The following NPSR1 variants were observed in gnomAD, a reference collection of about 807,000 sequenced individuals.
NPSR1 encodes neuropeptide S receptor.
A neutral mutation model predicts 46.9 loss-of-function variants in NPSR1; 48 were observed. The ratio of observed to expected loss-of-function variants is 1.02; its 90% CI spans 0.81 to 1.30. NPSR1 has a LOEUF of 1.30. Among genes scored for constraint, NPSR1 ranks in the 50% most tolerant of loss-of-function variants. NPSR1 has a pLI of 0.00. For missense variants in NPSR1, 450 were observed against 449.5 expected (o/e 1.00, Z -0.01); for synonymous variants, 176 against 168.1 (o/e 1.05, Z -0.36).
chr7:34,743,543 CA>C (rs1450545620), intron 2 of NPSR1, among the ~76,000 whole-genome samples: 1 of 151,872 alleles, frequency 6.6e-6, no homozygotes, highest in Non-Finnish European at 1.5e-5. Flanking sequence ...TGGGTTCAAG[CA>C]ATTCTCTGTC....
rs1207987148 is a variant in NPSR1, at chr7:34,792,703, A to ATTTATATATATATATG, written c.384+14139_384+14140insTTATATATATATATGT. On this transcript the variant is annotated intron_variant, in intron 3 of 8. Coordinates refer to ENST00000360581, the MANE Select transcript of NPSR1 (RefSeq NM_207172.2). ...TATATATATATGTATATATATACGT[A>ATTTATATATATATATG]TATATATATATTTATATATATATAT... Among the ~76,000 whole-genome samples, 148 of 88,214 alleles carry ATTTATATATATATATG rather than the reference A, an allele frequency of 1.7e-3. 6 individuals carry two copies. Among genetic ancestry groups the ATTTATATATATATATG allele is most frequent in the Non-Finnish European group, 2.6e-3 (105 of 40,614 alleles). 57.9% of individuals were successfully genotyped at this position (88,214 alleles called of 152,430 possible).
chr7:34,827,649 G>GT, intron 5 of NPSR1, 47 bp downstream of exon 5: 1 of 718,304 alleles, frequency 1.4e-6, no homozygotes, highest in Admixed American at 2.1e-5. Flanking sequence ...GGGGCGGGGG[G>GT]GGCTTTCCTG....
chr7:34,813,644 G>A (rs984451720), intron 4 of NPSR1, among the ~76,000 whole-genome samples: 1 of 152,166 alleles, frequency 6.6e-6, no homozygotes, highest in Non-Finnish European at 1.5e-5. Flanking sequence ...GAAAGACAGA[G>A]AGGAGCAGAA....
At chr7:34,840,531 C>G (rs922189651) in intron 6 of NPSR1, among the ~76,000 whole-genome samples, 5 of 152,164 alleles carry the variant, frequency 3.3e-5, no homozygotes, top group South Asian at 2.1e-4. Context: ...GAGCAGGTAT[C>G]CCCGGGAAGA....
intron 2 of NPSR1, among the ~76,000 whole-genome samples, chr7:34,747,103 G>T (rs922931054): frequency 1.5e-5 from 2 of 134,646 alleles, no homozygotes; most frequent in African/African-American, 2.8e-5. Context: ...CCAGCCTGGC[G>T]ACAGAGCAAG....
chr7:34,790,995 TTA>T (rs375358414), intron 3 of NPSR1, among the ~76,000 whole-genome samples: 3 of 104,044 alleles, frequency 2.9e-5, no homozygotes, highest in East Asian at 5.4e-4. Context: ...ATTATATATG[TTA>T]TATGTTATAT....
chr7:34,746,551 A>G lies in NPSR1; in HGVS notation c.281-31911A>G, dbSNP rs754735081. ...AAACATATCCCTCACAGATAAGGGG[A>G]GACCTGCTGTAATATTTTTGCTTCT... On this transcript the variant is annotated intron_variant, in intron 2 of 8. Transcript: ENST00000360581. Among the ~76,000 whole-genome samples the G allele has an allele frequency of 9.8e-5, 15 of 152,298 alleles. 1 individual carries two copies. In the Middle Eastern group the frequency reaches 0.014, roughly 138 times the overall value.
At chr7:34,838,039 C>T (rs1364216708) in intron 6 of NPSR1, among the ~76,000 whole-genome samples, 2 of 152,058 alleles carry the variant, frequency 1.3e-5, no homozygotes. Flanking sequence ...CCTGCTTGTC[C>T]CTCTGAGCAC....
chr7:34,799,238 G>A (rs868689420), intron 3 of NPSR1, among the ~76,000 whole-genome samples: 13 of 151,846 alleles, frequency 8.6e-5, no homozygotes, highest in South Asian at 4.2e-4. Context: ...CAGCATAAAC[G>A]TATATTATTT....
At chr7:34,750,416 T>G (rs151066280) in intron 2 of NPSR1, 1 of 745,168 alleles carries the variant, frequency 1.3e-6, no homozygotes, top group Non-Finnish European at 2.5e-6. Context: ...CGGATGCCGA[T>G]GGGTAGTACG....
intron 4 of NPSR1, among the ~76,000 whole-genome samples, chr7:34,818,422 CACAA>C (rs1309284032): frequency 6.6e-6 from 1 of 152,036 alleles, no homozygotes; most frequent in Non-Finnish European, 1.5e-5. Context: ...TAAAAGAGGA[CACAA>C]ACAAATGGAA....
chr7:34,675,142 C>T (rs143444952), intron 1 of NPSR1, among the ~76,000 whole-genome samples: 1 of 152,280 alleles, frequency 6.6e-6, no homozygotes, highest in African/African-American at 2.4e-5. Flanking sequence ...ACAGTGATAA[C>T]TCGTTGGTCA....
downstream of NPSR1, among the ~76,000 whole-genome samples, chr7:34,850,312 T>C (rs1790894571): frequency 6.6e-6 from 1 of 151,448 alleles, no homozygotes; most frequent in East Asian, 1.9e-4. Flanking sequence ...CTGGTTCTGA[T>C]AGAAAACAAG....
chr7:34,715,301 C>A (rs1036723288), intron 2 of NPSR1, among the ~76,000 whole-genome samples: 2 of 152,196 alleles, frequency 1.3e-5, no homozygotes, highest in Non-Finnish European at 2.9e-5. Context: ...AGAATGTGAG[C>A]CCAGAAAGTT....
At chr7:34,858,422 G>A (rs765381347) in intron 8 of NPSR1, among the ~76,000 whole-genome samples, 2 of 151,656 alleles carry the variant, frequency 1.3e-5, no homozygotes, top group African/African-American at 4.9e-5. Context: ...TAATATAAAG[G>A]TCAAAGACAG....
intron 4 of NPSR1, among the ~76,000 whole-genome samples, chr7:34,819,830 C>CA (rs572734154): frequency 3.0e-4 from 45 of 152,152 alleles, no homozygotes; most frequent in Non-Finnish European, 5.4e-4. Flanking sequence ...GACAGAAAAC[C>CA]AAACACTGCA....
At chr7:34,777,814 C>G (rs969129961) in intron 2 of NPSR1, among the ~76,000 whole-genome samples, 5 of 152,148 alleles carry the variant, frequency 3.3e-5, no homozygotes, top group African/African-American at 1.2e-4. Context: ...CTTGTACAAT[C>G]TGTAACTATA....
At chr7:34,696,181 T>C (rs969414582) in intron 2 of NPSR1, among the ~76,000 whole-genome samples, 2 of 151,362 alleles carry the variant, frequency 1.3e-5, no homozygotes, top group African/African-American at 4.9e-5. Context: ...TAGATAAAGC[T>C]AGAAGCCATT....
At chr7:34,806,487 C>A (rs1210553653) in intron 3 of NPSR1, among the ~76,000 whole-genome samples, 1 of 151,992 alleles carries the variant, frequency 6.6e-6, no homozygotes, top group Non-Finnish European at 1.5e-5. Flanking sequence ...AGCAAGAAAC[C>A]AGTGTTGCCA....
Sources: allele counts gnomAD v4.1 joint callset (sites outside exome capture counted in the v4.1 genomes callset), GRCh38; gene constraint gnomAD v4.1.1; transcripts MANE v1.5; gene names NCBI Gene and HGNC (gene_info 2026-07-23, HGNC 2026-07-21).